FAT3: variants seen among roughly 807,000 people sequenced by gnomAD.
The protein encoded by FAT3 is FAT atypical cadherin 3.
Under a neutral mutation model 310.2 loss-of-function variants are expected in FAT3, and 95 were observed. The observed-to-expected ratio is 0.31, with a 90% CI of 0.26 to 0.36. The LOEUF (loss-of-function observed/expected upper bound fraction) is 0.36. Among genes scored for constraint, FAT3 ranks in the 10% least tolerant of loss-of-function variants. The probability of loss-of-function intolerance (pLI) is 1.00; values close to 1 mark genes in which losing one functional copy is unlikely to be tolerated. For missense variants in FAT3, 5,408 were observed against 5,715.6 expected (o/e 0.95, Z 1.74); for synonymous variants, 2,314 against 2,192.9 (o/e 1.06, Z -1.54).
At chr11:92,602,494 G>A (rs1940078010) in intron 3 of FAT3, among the ~76,000 whole-genome samples, 1 of 152,220 alleles carries the variant, frequency 6.6e-6, no homozygotes, top group South Asian at 2.1e-4. Flanking sequence ...CAAGATGACA[G>A]ATGATGAGAA....
At position 92,676,088 on chromosome 11, in the gene FAT3, C is replaced by T. The variant is rs192423856; in HGVS notation, c.3608-21296C>T. Among the ~76,000 whole-genome samples, 482 of 152,158 alleles carry T rather than the reference C, an allele frequency of 3.2e-3. 8 individuals are homozygous for T. The highest frequency in any genetic ancestry group is 4.1e-4 in the Non-Finnish European group (28 of 68,004). On this transcript the variant is annotated intron_variant, in intron 3 of 27. Transcript: ENST00000525166. ...CACAGAGATAAGAAAAAAGAAAGTA[C>T]GGATGCTTTTAAAGCAGCGAGCAGC...
chr11:92,721,585 G>C (rs1944860314), intron 4 of FAT3, among the ~76,000 whole-genome samples: 1 of 152,114 alleles, frequency 6.6e-6, no homozygotes, highest in African/African-American at 2.4e-5. Flanking sequence ...ACTGCCTAAG[G>C]AATTTTTCTA....
chr11:92,617,662 G>T (rs914930174), intron 3 of FAT3, among the ~76,000 whole-genome samples: 1 of 152,156 alleles, frequency 6.6e-6, no homozygotes, highest in Non-Finnish European at 1.5e-5. Flanking sequence ...ATGGGGTTTT[G>T]GTGTGGATGT....
At chr11:92,491,978 G>A (rs1456195232) in intron 2 of FAT3, among the ~76,000 whole-genome samples, 1 of 152,026 alleles carries the variant, frequency 6.6e-6, no homozygotes. Flanking sequence ...ATCCATCTGC[G>A]TGGTCTATAT....
intron 13 of FAT3, among the ~76,000 whole-genome samples, chr11:92,817,070 C>T (rs1001110599): frequency 9.9e-5 from 15 of 152,024 alleles, no homozygotes; most frequent in African/African-American, 3.4e-4. Flanking sequence ...AAGGGAGATG[C>T]TAAGGAAACC....
At chr11:92,246,813 C>T (rs1864931879) in intron 1 of FAT3, among the ~76,000 whole-genome samples, 1 of 152,042 alleles carries the variant, frequency 6.6e-6, no homozygotes, top group Admixed American at 6.6e-5. Flanking sequence ...CCACAGCAAC[C>T]TGGGTACTAC....
At chr11:92,611,660 C>A (rs530813656) in intron 3 of FAT3, among the ~76,000 whole-genome samples, 2 of 151,798 alleles carry the variant, frequency 1.3e-5, no homozygotes, top group East Asian at 3.9e-4. Flanking sequence ...TCCCAAAGTG[C>A]TGGGATTGCA....
At chr11:92,374,842 A>G in intron 2 of FAT3, among the ~76,000 whole-genome samples, 1 of 117,558 alleles carries the variant, frequency 8.5e-6, no homozygotes, top group African/African-American at 5.9e-5. Flanking sequence ...GTCTTACAGC[A>G]GTTTTTTTTT....
At chr11:92,508,480 T>C (rs1203153722) in intron 2 of FAT3, among the ~76,000 whole-genome samples, 2 of 152,190 alleles carry the variant, frequency 1.3e-5, no homozygotes, top group Non-Finnish European at 2.9e-5. Flanking sequence ...AAAAGTGTTC[T>C]TTTTGCCTTG....
rs185192833 is a variant in FAT3 at position 92,409,384 on chromosome 11, G to A, written c.3292+53980G>A. On this transcript the variant is annotated intron_variant, in intron 2 of 27. Transcript: ENST00000525166. ...GAGAAAAAAGATGTCATCCTGTGTCGTTCCAGCTGCATTTCAATACATTTG... is the reference window on the plus strand; with the variant it reads ...GAGAAAAAAGATGTCATCCTGTGTCATTCCAGCTGCATTTCAATACATTTG... Among the ~76,000 whole-genome samples, 12 of 152,094 alleles carry A rather than the reference G, an allele frequency of 7.9e-5. No individual in the cohort carries two copies. In the East Asian group the frequency reaches 1.4e-3, roughly 17 times the overall value.
At chr11:92,291,124 C>T (rs753048613) in intron 1 of FAT3, among the ~76,000 whole-genome samples, 45 of 150,980 alleles carry the variant, frequency 3.0e-4, no homozygotes, top group African/African-American at 1.1e-3. Context: ...CACATGCACG[C>T]GCGCAGAAGT....
chr11:92,561,935 G>C (rs1012198134), intron 3 of FAT3, among the ~76,000 whole-genome samples: 2 of 152,044 alleles, frequency 1.3e-5, no homozygotes, highest in Non-Finnish European at 2.9e-5. Flanking sequence ...CTACCATTTG[G>C]ATAATTTTAA....
chr11:92,820,475 G>A (rs1298475187), intron 13 of FAT3, among the ~76,000 whole-genome samples: 1 of 152,158 alleles, frequency 6.6e-6, no homozygotes, highest in Non-Finnish European at 1.5e-5. Context: ...AATTTTGGGA[G>A]ATCACAATTC....
intron 1 of FAT3, among the ~76,000 whole-genome samples, chr11:92,260,413 G>T (rs975363325): frequency 1.3e-5 from 2 of 152,096 alleles, no homozygotes; most frequent in African/African-American, 4.8e-5. Flanking sequence ...TTCTTACTTG[G>T]TTATAGAAGT....
At chr11:92,578,997 A>G (rs1164987810) in intron 3 of FAT3, among the ~76,000 whole-genome samples, 1 of 152,158 alleles carries the variant, frequency 6.6e-6, no homozygotes, top group Admixed American at 6.6e-5. Flanking sequence ...ATTACTTATA[A>G]GGACATTTCT....
intron 2 of FAT3, among the ~76,000 whole-genome samples, chr11:92,436,951 A>G (rs971297175): frequency 2.6e-5 from 4 of 152,206 alleles, no homozygotes; most frequent in African/African-American, 7.2e-5. Context: ...AAAAAGTTTT[A>G]TGACATTTTC....
At chr11:92,664,077 G>A (rs966473459) in intron 3 of FAT3, among the ~76,000 whole-genome samples, 12 of 152,004 alleles carry the variant, frequency 7.9e-5, no homozygotes, top group Non-Finnish European at 1.8e-4. Flanking sequence ...AGGTGTATAT[G>A]CTCATTCTCA....
Position 92,840,658 on chromosome 11 carries a change from G to A in FAT3, c.10465G>A (p.Gly3489Arg), listed in dbSNP as rs1049605551. The change falls in exon 18 of 28, where the codon GGA becomes AGA. Residue 3489 changes from glycine to arginine, a missense_variant. Gly to Arg is a moderately radical substitution (Grantham distance 125). Around this residue, in one of 5 missense-constraint regions of FAT3, gnomAD observed 4,588 missense variants for 4,809.8 expected, o/e 0.95. Coordinates refer to ENST00000525166, the MANE Select transcript of FAT3 (RefSeq NM_001367949.2). ...TCCCTTTTCATTCTCTATTTTGTCGGGAAATGAAGAGGAGGAGTTTGTGTT... is the reference window on the plus strand; with the variant it reads ...TCCCTTTTCATTCTCTATTTTGTCGAGAAATGAAGAGGAGGAGTTTGTGTT... ...GPPFSFSILS[G>R]NEEEEFVLDP... 1 of 1,613,096 alleles carries A rather than the reference G, an allele frequency of 6.2e-7. No homozygotes were observed. The highest frequency in any genetic ancestry group is 8.5e-7 in the Non-Finnish European group (1 of 1,179,196).
chr11:92,385,477 C>T (rs537987452), intron 2 of FAT3, among the ~76,000 whole-genome samples: 8 of 152,254 alleles, frequency 5.3e-5, no homozygotes, highest in South Asian at 2.1e-4. Context: ...TAGCGATTCT[C>T]GTGCCTCAGC....
Sources: gnomAD v4.1 joint callset for allele counts (sites outside exome capture counted in the v4.1 genomes callset) on GRCh38, gnomAD v4.1.1 for gene constraint, gnomAD v4.1.1 regional missense constraint, MANE v1.5 for transcripts, NCBI Gene and HGNC (gene_info 2026-07-23, HGNC 2026-07-21) for gene names.